NELL1: variants seen among roughly 807,000 people sequenced by gnomAD.
The protein encoded by NELL1 is neural EGFL like 1.
In NELL1, 76 loss-of-function variants were observed where a neutral mutation model predicts 107.4. The ratio of observed to expected loss-of-function variants is 0.71; its 90% CI spans 0.59 to 0.86. The LOEUF (loss-of-function observed/expected upper bound fraction) is 0.86, where lower values mean the gene tolerates loss of function less well. Ranked by LOEUF, NELL1 falls within the 40% of genes least tolerant of loss-of-function variation. NELL1 has a pLI of 0.00. For missense variants in NELL1, 1,024 were observed against 1,005.5 expected, an observed-to-expected ratio of 1.02 and a Z score of -0.25; for synonymous variants, 353 against 341.2, an observed-to-expected ratio of 1.03 and a Z score of -0.38.
intron 14 of NELL1, among the ~76,000 whole-genome samples, chr11:21,340,099 G>T (rs1175717265): frequency 6.6e-6 from 1 of 152,150 alleles, no homozygotes; most frequent in Non-Finnish European, 1.5e-5. Context: ...GAAAGCTTTA[G>T]CCAGCTCATC....
intron 2 of NELL1, among the ~76,000 whole-genome samples, chr11:20,769,042 C>A (rs1002266055): frequency 2.6e-5 from 4 of 152,074 alleles, no homozygotes; most frequent in Admixed American, 2.6e-4. Context: ...TTTCTGATTG[C>A]TACATGGGAT....
At chr11:21,433,003 CT>C (rs1464530675) in intron 15 of NELL1, among the ~76,000 whole-genome samples, 1 of 152,114 alleles carries the variant, frequency 6.6e-6, no homozygotes, top group East Asian at 1.9e-4. Context: ...CAACCTCTGC[CT>C]ATCCTTCCCT....
intron 13 of NELL1, among the ~76,000 whole-genome samples, chr11:21,201,780 T>C (rs1259394717): frequency 6.6e-6 from 1 of 152,196 alleles, no homozygotes; most frequent in East Asian, 1.9e-4. Flanking sequence ...AAATAGCTCT[T>C]ATTATTTTGA....
intron 12 of NELL1, among the ~76,000 whole-genome samples, chr11:20,966,685 T>A (rs1564990691): frequency 1.3e-5 from 2 of 152,066 alleles, no homozygotes; most frequent in Non-Finnish European, 2.9e-5. Flanking sequence ...CATGTCATCT[T>A]CCTCCCAGCA....
intron 15 of NELL1, among the ~76,000 whole-genome samples, chr11:21,465,361 A>G (rs1854001836): frequency 6.6e-6 from 1 of 152,130 alleles, no homozygotes; most frequent in Admixed American, 6.6e-5. Context: ...CTAGAACTCA[A>G]ATAGGAAGCT....
At chr11:21,106,433 C>T (rs533500168) in intron 12 of NELL1, among the ~76,000 whole-genome samples, 6 of 152,268 alleles carry the variant, frequency 3.9e-5, no homozygotes, top group African/African-American at 1.4e-4. Flanking sequence ...AGCACTGTTT[C>T]TTATCACACC....
At chr11:21,039,278 T>A (rs190453709) in intron 12 of NELL1, among the ~76,000 whole-genome samples, 5 of 152,014 alleles carry the variant, frequency 3.3e-5, no homozygotes, top group Non-Finnish European at 4.4e-5. Flanking sequence ...CTCTGCCTCC[T>A]GGGTTCAAGC....
At chr11:21,551,519 A>C (rs1856582988) in intron 16 of NELL1, among the ~76,000 whole-genome samples, 1 of 151,780 alleles carries the variant, frequency 6.6e-6, no homozygotes, top group South Asian at 2.1e-4. Flanking sequence ...TTATGCAGCC[A>C]AAAAACACAT....
At chr11:21,221,041 G>T (rs1857743919) in intron 13 of NELL1, among the ~76,000 whole-genome samples, 1 of 152,122 alleles carries the variant, frequency 6.6e-6, no homozygotes, top group South Asian at 2.1e-4. Flanking sequence ...TGGGTATGCT[G>T]ATTCTATGCC....
At chr11:21,309,916 T>A (rs1423726797) in intron 14 of NELL1, among the ~76,000 whole-genome samples, 2 of 152,056 alleles carry the variant, frequency 1.3e-5, no homozygotes, top group Non-Finnish European at 1.5e-5. Flanking sequence ...CAAGGTGAGA[T>A]TTTGGTGGGG....
At chr11:21,160,602 G>A (rs1204913114) in intron 13 of NELL1, among the ~76,000 whole-genome samples, 1 of 152,086 alleles carries the variant, frequency 6.6e-6, no homozygotes, top group Non-Finnish European at 1.5e-5. Context: ...CTGCATGTGT[G>A]TAATCATAAC....
At chr11:21,081,572 T>TTA (rs1854270096) in intron 12 of NELL1, among the ~76,000 whole-genome samples, 1 of 152,182 alleles carries the variant, frequency 6.6e-6, no homozygotes, top group African/African-American at 2.4e-5. Context: ...TCTCAGCTTA[T>TTA]TATAGCACCG....
chr11:21,128,525 A>G (rs1241004533), intron 13 of NELL1, among the ~76,000 whole-genome samples: 2 of 152,184 alleles, frequency 1.3e-5, no homozygotes, highest in Non-Finnish European at 2.9e-5. Flanking sequence ...GTGTTGAAGA[A>G]ATGTGCCTGG....
At position 20,904,648 on chromosome 11, in the gene NELL1, C is replaced by G. The variant is rs529362459; in HGVS notation, c.604-13534C>G. Among the ~76,000 whole-genome samples, 8 of 152,104 alleles carry G rather than the reference C, an allele frequency of 5.3e-5. No homozygotes were observed. In the South Asian group the frequency reaches 1.7e-3, roughly 32 times the overall value. ...AGGTCAGAAAAGACTTGAGAACACC[C>G]AAAGCTTTCATCTTTGGCTGATCCC... On this transcript the variant is annotated intron_variant, in intron 5 of 19. Coordinates refer to ENST00000357134, the MANE Select transcript of NELL1 (RefSeq NM_006157.5).
intron 13 of NELL1, among the ~76,000 whole-genome samples, chr11:21,116,022 A>C (rs1366009317): frequency 7.9e-5 from 12 of 151,668 alleles, no homozygotes; most frequent in Non-Finnish European, 1.3e-4. Context: ...GCCTGTGGTT[A>C]TTGTCCTCAC....
At chr11:21,130,369 A>AT (rs879776109) in intron 13 of NELL1, among the ~76,000 whole-genome samples, 18 of 152,172 alleles carry the variant, frequency 1.2e-4, no homozygotes, top group South Asian at 6.2e-4. Flanking sequence ...GGTTTTACTA[A>AT]TTTTTTTCTA....
At chr11:21,213,541 A>G (rs1191704938) in intron 13 of NELL1, among the ~76,000 whole-genome samples, 1 of 152,164 alleles carries the variant, frequency 6.6e-6, no homozygotes, top group Non-Finnish European at 1.5e-5. Context: ...AATTGAATTG[A>G]ATTTTGAATT....
At chr11:21,227,774 G>C (rs951258382) in intron 13 of NELL1, among the ~76,000 whole-genome samples, 4 of 152,156 alleles carry the variant, frequency 2.6e-5, no homozygotes, top group Admixed American at 6.5e-5. Flanking sequence ...AGTTTGGGTT[G>C]GTCTTAAGGC....
chr11:21,119,141 C>A (rs1249760828), intron 13 of NELL1, among the ~76,000 whole-genome samples: 1 of 151,958 alleles, frequency 6.6e-6, no homozygotes, highest in South Asian at 2.1e-4. Flanking sequence ...AAATCAATCC[C>A]TCTTTGAAAT....
Sources: allele counts gnomAD v4.1 joint callset (sites outside exome capture counted in the v4.1 genomes callset), GRCh38; gene constraint gnomAD v4.1.1; transcripts MANE v1.5; gene names NCBI Gene and HGNC (gene_info 2026-07-23, HGNC 2026-07-21).